The following CABYR variants were observed in gnomAD, a reference collection of about 807,000 sequenced individuals.
CABYR encodes the protein calcium-binding tyrosine phosphorylation-regulated protein.
A neutral mutation model predicts 36.1 loss-of-function variants in CABYR; 31 were observed. The ratio of observed to expected loss-of-function variants is 0.86; its 90% CI spans 0.64 to 1.16. CABYR has a LOEUF of 1.16. CABYR is among the 50% of genes most tolerant of loss of function. The pLI is 0.00. For missense variants in CABYR, 429 were observed against 455.8 expected, an observed-to-expected ratio of 0.94 and a Z score of 0.53; for synonymous variants, 146 against 160.7, an observed-to-expected ratio of 0.91 and a Z score of 0.69.
intron 4 of CABYR, among the ~76,000 whole-genome samples, chr18:24,158,227 C>A (rs1039456923): frequency 5.9e-5 from 9 of 151,860 alleles, no homozygotes; most frequent in African/African-American, 2.2e-4. Flanking sequence ...CTGGCTTGTA[C>A]ATATTTTTCA....
intron 4 of CABYR, chr18:24,156,705 C>T (rs769998501): frequency 6.2e-7 from 1 of 1,614,202 alleles, no homozygotes; most frequent in Admixed American, 1.7e-5. Context: ...ACCTGCACAA[C>T]TCCTGGATGC....
In CABYR at chr18:24,143,072, G is replaced by T; in HGVS notation, c.-24-19G>T. 7.6e-6 allele frequency: 10 copies of T among 1,311,310 alleles called. No homozygotes were observed. The highest frequency in any genetic ancestry group is 3.1e-5 in the African/African-American group (2 of 65,346). The allele number at this position is 1,311,310 out of a possible 1,614,324, so 81.2% of individuals were successfully genotyped here. On this transcript the variant is annotated intron_variant, in intron 1 of 5. Coordinates refer to ENST00000399496, the MANE Select transcript of CABYR (RefSeq NM_153769.3). ...TTTTAGTAAAACTAATTACTTCTAA[G>T]ACTTTTTCTTCATTCTAGTTGAGTT...
At chr18:24,152,120 T>G (rs968002131) in intron 3 of CABYR, among the ~76,000 whole-genome samples, 32 of 152,250 alleles carry the variant, frequency 2.1e-4, no homozygotes, top group African/African-American at 7.0e-4. Context: ...CCACCCAGTT[T>G]AGGAAATAGC....
intron 3 of CABYR, among the ~76,000 whole-genome samples, chr18:24,154,291 C>A (rs1284334747): frequency 6.6e-6 from 1 of 152,040 alleles, no homozygotes; most frequent in Non-Finnish European, 1.5e-5. Context: ...ACCATTCTTA[C>A]ATGTAGTATG....
Position 24,143,038 on chromosome 18 carries a change from A to C in CABYR, c.-24-53A>C, listed in dbSNP as rs898694159. Reference sequence around the variant, plus strand: ...ACAGAGTCTCAAAAAAAAAAAAAAAAAAAACCTATTTTAGTAAAACTAATT... The same window carrying C: ...ACAGAGTCTCAAAAAAAAAAAAAAACAAAACCTATTTTAGTAAAACTAATT... On this transcript the variant is annotated intron_variant, in intron 1 of 5. Coordinates refer to ENST00000399496, the MANE Select transcript of CABYR (RefSeq NM_153769.3). 1,407 of 1,327,662 alleles carry C rather than the reference A, an allele frequency of 1.1e-3. 17 individuals are homozygous for C. In the African/African-American group the frequency reaches 0.018, roughly 17 times the overall value. The allele number at this position is 1,327,662 out of a possible 1,614,324, so 82.2% of individuals were successfully genotyped here. A position where few individuals can be genotyped will look rare whatever the true frequency, so the allele number is the denominator to read the frequency against.
At chr18:24,160,356 C>CAA (rs200217996) in intron 5 of CABYR, 2 of 362,320 alleles carry the variant, frequency 5.5e-6, no homozygotes, top group South Asian at 4.4e-5. Context: ...GTCTAACAAA[C>CAA]ACAGTGGTAG....
At chr18:24,151,104 G>A (rs1052906711) in intron 3 of CABYR, among the ~76,000 whole-genome samples, 1 of 152,028 alleles carries the variant, frequency 6.6e-6, no homozygotes, top group Non-Finnish European at 1.5e-5. Flanking sequence ...GCCAGAATAT[G>A]TCCTTTTCCT....
intron 3 of CABYR, among the ~76,000 whole-genome samples, chr18:24,154,486 G>A (rs1434403649): frequency 6.6e-6 from 1 of 152,214 alleles, no homozygotes; most frequent in Non-Finnish European, 1.5e-5. Context: ...TTGGTATAAT[G>A]TCCATGTCCC....
chr18:24,145,429 TC>T (rs2145857292), intron 3 of CABYR, among the ~76,000 whole-genome samples: 1 of 152,296 alleles, frequency 6.6e-6, no homozygotes, highest in Non-Finnish European at 1.5e-5. Context: ...GAGGACACTT[TC>T]AAATTCTTGT....
chr18:24,156,565 T>C (rs368825427), intron 4 of CABYR: 1 of 1,614,034 alleles, frequency 6.2e-7, no homozygotes, highest in African/African-American at 1.3e-5. Context: ...ACCTCTGGCA[T>C]GTCTAAAAAA....
chr18:24,159,748 G>A lies in CABYR; in HGVS notation c.818G>A (p.Trp273Ter). 1.2e-6 allele frequency: 2 copies of A among 1,613,980 alleles called. No homozygotes were observed. The highest frequency in any genetic ancestry group is 1.6e-4 in the Middle Eastern group (1 of 6,062). The stretch of plus-strand genomic sequence containing the variant: ...TCAAATGTTCAGGAAGCACAGGGAT[G>A]GAAACCTCTTCCTGGACATGCTGTC... ...VGSNVQEAQGWKPLPGHAVVS... is the reference protein window; with the variant it reads ...VGSNVQEAQG Residue 273 changes from tryptophan to a stop codon, truncating the protein, a stop_gained, in exon 5 of 6, where the codon TGG (tryptophan) becomes TAG (stop). Transcript: ENST00000399496. LOFTEE classifies it high-confidence loss of function.
At position 24,161,530 on chromosome 18, in the gene CABYR, C is replaced by CT; in HGVS notation, c.*15dup. 1.3e-6 allele frequency: 1 copy of CT among 780,594 alleles called. No homozygotes were observed. The highest frequency in any genetic ancestry group is 1.3e-5 in the South Asian group (1 of 74,490). 48.4% of individuals were successfully genotyped at this position (780,594 alleles called of 1,614,324 possible). ...ATTCCTAACAGATCCAGAAATGACG[C>CT]TGTCTGGGTCAACATTTCAGGGAGG... is the stretch of plus-strand genomic sequence containing the variant. On this transcript the variant is annotated 3_prime_UTR_variant, in exon 6 of 6. Transcript: ENST00000399496.
intron 2 of CABYR, 23 bp from the exon 3 acceptor site, chr18:24,143,337 A>T (rs199535292): frequency 1.9e-4 from 304 of 1,593,256 alleles, no homozygotes; most frequent in Non-Finnish European, 5.1e-5. Context: ...TCTGTATTTG[A>T]TTTCCTGTAT....
chr18:24,158,319 TC>T (rs958063168), intron 4 of CABYR, among the ~76,000 whole-genome samples: 2 of 142,908 alleles, frequency 1.4e-5, no homozygotes, highest in African/African-American at 4.9e-5. Context: ...TAGTATTATT[TC>T]TTTTTTTTTT....
intron 4 of CABYR, 68 bp downstream of exon 4, chr18:24,156,110 T>G (rs2085776480): frequency 1.2e-6 from 2 of 1,614,056 alleles, no homozygotes; most frequent in Non-Finnish European, 1.7e-6. Context: ...CCAGTATGCC[T>G]GTTGTTATCA....
chr18:24,152,905 C>T (rs145705935), intron 3 of CABYR: 1,599 of 152,386 alleles, frequency 0.01, 15 homozygotes, highest in Non-Finnish European at 0.016. Context: ...ATGGGGAGGT[C>T]AGTCTGGTTA....
At chr18:24,151,426 T>C (rs1048033943) in intron 3 of CABYR, among the ~76,000 whole-genome samples, 3 of 152,212 alleles carry the variant, frequency 2.0e-5, no homozygotes, top group Non-Finnish European at 4.4e-5. Flanking sequence ...GATCAACCTT[T>C]AGCAAACCTA....
At chr18:24,149,987 C>T (rs1296250105) in intron 3 of CABYR, among the ~76,000 whole-genome samples, 1 of 152,270 alleles carries the variant, frequency 6.6e-6, no homozygotes, top group Non-Finnish European at 1.5e-5. Flanking sequence ...TTGGCCAGCC[C>T]AGAAAGGGGC....
intron 4 of CABYR, among the ~76,000 whole-genome samples, chr18:24,159,087 C>G (rs926482868): frequency 6.6e-6 from 1 of 152,214 alleles, no homozygotes; most frequent in African/African-American, 2.4e-5. Context: ...GATGCACTAA[C>G]GCTTCCTTTA....
Sources: allele counts gnomAD v4.1 joint callset (sites outside exome capture counted in the v4.1 genomes callset), GRCh38; gene constraint gnomAD v4.1.1; transcripts MANE v1.5; gene names NCBI Gene and HGNC (gene_info 2026-07-23, HGNC 2026-07-21).